The following TTC39C variants were observed in gnomAD, a reference collection of about 807,000 sequenced individuals.
TTC39C encodes the protein tetratricopeptide repeat protein 39C.
TTC39C carries 33 observed loss-of-function variants against 76.3 expected under a neutral mutation model. The ratio of observed to expected loss-of-function variants is 0.43; its 90% confidence interval spans 0.33 to 0.58. The LOEUF is 0.58. Among genes scored for constraint, TTC39C ranks in the 20% least tolerant of loss-of-function variants. The probability of loss-of-function intolerance (pLI) is 0.04; values close to 1 mark genes in which losing one functional copy is unlikely to be tolerated. For missense variants in TTC39C, 595 were observed against 701.4 expected (o/e 0.85, Z 1.71); for synonymous variants, 254 against 260.6 (o/e 0.97, Z 0.24).
At chr18:24,095,588 A>G (rs1318992125) in intron 6 of TTC39C, among the ~76,000 whole-genome samples, 1 of 152,160 alleles carries the variant, frequency 6.6e-6, no homozygotes, top group Non-Finnish European at 1.5e-5. Flanking sequence ...AATCCCAGCT[A>G]CTTGGGAGGC....
In TTC39C at chr18:24,080,826, C is replaced by T. The variant is rs2084366862; in HGVS notation, c.702C>T (p.Pro234=). Residue 234 remains proline, a synonymous_variant, in exon 5 of 14, where the codon CCC becomes CCT. Transcript: ENST00000317571. Reference sequence around the variant, plus strand: ...TTCACCTTTGCATATCCATGGTGCCCCCAAACCTGCTCAAAATCATCAACC... The same window carrying T: ...TTCACCTTTGCATATCCATGGTGCCTCCAAACCTGCTCAAAATCATCAACC... The part of the protein sequence containing the change: ...GLFHLCISMV[P]PNLLKIINLL... 6.2e-7 allele frequency: 1 copy of T among 1,613,990 alleles called. No individual in the cohort carries two copies. The highest frequency in any genetic ancestry group is 1.3e-5 in the African/African-American group (1 of 74,918).
intron 1 of TTC39C, among the ~76,000 whole-genome samples, chr18:24,059,790 C>T (rs1037898175): frequency 2.0e-5 from 3 of 152,044 alleles, no homozygotes; most frequent in African/African-American, 7.2e-5. Context: ...AAAGATATAC[C>T]TGAGACTGAG....
chr18:24,098,418 T>C (rs8093318), intron 6 of TTC39C, among the ~76,000 whole-genome samples: 2 of 99,408 alleles, frequency 2.0e-5, no homozygotes, highest in African/African-American at 7.8e-5. Flanking sequence ...CCCTCCCTCC[T>C]TCCTTCCTTC....
rs1213318669 is a variant in TTC39C, at chr18:24,046,064, G to A, written c.168-18076G>A. On this transcript the variant is annotated intron_variant, in intron 1 of 13. Coordinates refer to ENST00000317571, the MANE Select transcript of TTC39C (RefSeq NM_001135993.2). Reference sequence around the variant, plus strand: ...CGCCATTCTCCTGTCTCAGCCTCCCGAGTAGCTGGGACTACAGGCGCCCGC... The same window carrying A: ...CGCCATTCTCCTGTCTCAGCCTCCCAAGTAGCTGGGACTACAGGCGCCCGC... 1.1e-3 allele frequency among the ~76,000 whole-genome samples: 160 copies of A among 146,130 alleles called. 1 individual carries two copies. Among genetic ancestry groups the A allele is most frequent in the African/African-American group, 3.7e-3 (147 of 39,718 alleles).
intron 1 of TTC39C, among the ~76,000 whole-genome samples, chr18:24,030,146 G>A (rs1869425811): frequency 6.6e-6 from 1 of 152,136 alleles, no homozygotes; most frequent in African/African-American, 2.4e-5. Flanking sequence ...TGAAGGATGG[G>A]TTAGAAAGTC....
intron 6 of TTC39C, among the ~76,000 whole-genome samples, chr18:24,095,247 G>A (rs1488831810): frequency 1.3e-5 from 2 of 152,226 alleles, no homozygotes; most frequent in Non-Finnish European, 2.9e-5. Flanking sequence ...ATTGAAGAGA[G>A]TTAGGATCTT....
rs1458135024 is a variant in TTC39C, at chr18:24,134,291, T to TTTTTA, written c.*1717_*1718insTTTTA. ...TTTTTTTTTTTTTTTTTTTTTTTTT[T>TTTTTA]GAGACGGAGTCTCGCTCTGTCACCC... On this transcript the variant is annotated 3_prime_UTR_variant, in exon 14 of 14. Transcript: ENST00000317571. 1 of 131,246 alleles carries TTTTTA rather than the reference T, an allele frequency of 7.6e-6. No individual in the cohort carries two copies. Among genetic ancestry groups the TTTTTA allele is most frequent in the African/African-American group, 2.9e-5 (1 of 33,988 alleles). 8.1% of individuals were successfully genotyped at this position (131,246 alleles called of 1,614,324 possible).
At chr18:23,997,546 T>C (rs1481241008) in intron 1 of TTC39C, among the ~76,000 whole-genome samples, 6 of 67,060 alleles carry the variant, frequency 8.9e-5, no homozygotes, top group African/African-American at 3.5e-4. Context: ...AGCAAGTCTC[T>C]GTCTCAAAAA....
intron 9 of TTC39C, among the ~76,000 whole-genome samples, chr18:24,124,969 C>T (rs745627481): frequency 7.2e-5 from 11 of 152,074 alleles, no homozygotes; most frequent in African/African-American, 2.7e-4. Context: ...CTTGGCTCAC[C>T]GCAACCTCCG....
chr18:24,069,351 T>A, intron 4 of TTC39C, 80 bp downstream of exon 4: 1 of 1,223,254 alleles, frequency 8.2e-7, no homozygotes. Flanking sequence ...GAATGCCTTA[T>A]ATTTCAGTCT....
chr18:24,022,271 T>C (rs2083526280), intron 1 of TTC39C, among the ~76,000 whole-genome samples: 1 of 151,462 alleles, frequency 6.6e-6, no homozygotes, highest in Non-Finnish European at 1.5e-5. Flanking sequence ...CACATTCTTT[T>C]AAAGGCTCAC....
intron 6 of TTC39C, among the ~76,000 whole-genome samples, chr18:24,090,014 G>A (rs1397495940): frequency 4.6e-5 from 7 of 152,078 alleles, no homozygotes; most frequent in Admixed American, 4.6e-4. Flanking sequence ...ATACATACGA[G>A]ACTTTCTGCA....
chr18:24,078,879 C>T (rs1194726422), intron 4 of TTC39C, among the ~76,000 whole-genome samples: 2 of 152,332 alleles, frequency 1.3e-5, no homozygotes, highest in East Asian at 1.9e-4. Flanking sequence ...AGAATCCAAG[C>T]TTCCATTCCA....
intron 1 of TTC39C, among the ~76,000 whole-genome samples, chr18:24,034,531 C>T (rs2083710283): frequency 1.3e-5 from 2 of 152,060 alleles, no homozygotes; most frequent in Admixed American, 6.5e-5. Flanking sequence ...TTTAGATGTA[C>T]GGTACAGTGG....
chr18:24,114,368 T>G, intron 6 of TTC39C, 186 bp from the exon 7 acceptor site: 1 of 518,432 alleles, frequency 1.9e-6, no homozygotes, highest in Admixed American at 3.3e-5. Context: ...TCTCTGTGCT[T>G]AGGTTAATTT....
At chr18:24,075,694 A>AAC (rs1555773838) in intron 4 of TTC39C, among the ~76,000 whole-genome samples, 1 of 141,544 alleles carries the variant, frequency 7.1e-6, no homozygotes, top group African/African-American at 3.0e-5. Context: ...CAAAAAAAAA[A>AAC]AAAAAAAAAC....
intron 1 of TTC39C, among the ~76,000 whole-genome samples, chr18:24,000,929 T>C (rs1174785037): frequency 1.3e-5 from 2 of 152,176 alleles, no homozygotes; most frequent in Non-Finnish European, 2.9e-5. Flanking sequence ...CTGAGAGATG[T>C]TAAGCAACTT....
At chr18:24,070,855 A>G (rs2084230483) in intron 4 of TTC39C, among the ~76,000 whole-genome samples, 1 of 151,966 alleles carries the variant, frequency 6.6e-6, no homozygotes, top group Non-Finnish European at 1.5e-5. Flanking sequence ...AAGAAAAGAA[A>G]AGAAAATACC....
At chr18:24,019,560 A>G (rs1568406542) in intron 1 of TTC39C, among the ~76,000 whole-genome samples, 1 of 152,268 alleles carries the variant, frequency 6.6e-6, no homozygotes, top group Non-Finnish European at 1.5e-5. Flanking sequence ...TTTTTGGCGC[A>G]TGTGACAAAG....
Sources: gnomAD v4.1 joint callset for allele counts (sites outside exome capture counted in the v4.1 genomes callset) on GRCh38, gnomAD v4.1.1 for gene constraint, MANE v1.5 for transcripts, NCBI Gene and HGNC (gene_info 2026-07-23, HGNC 2026-07-21) for gene names.